Variants in BUB1B observed in about 807,000 individuals in gnomAD.
The protein encoded by BUB1B is BUB1 mitotic checkpoint serine/threonine kinase B.
In BUB1B, 86 loss-of-function variants were observed where a neutral mutation model predicts 137.7. The ratio of observed to expected loss-of-function variants is 0.62; its 90% CI spans 0.52 to 0.75. The LOEUF is 0.75. BUB1B is among the 30% of genes least tolerant of loss of function. The pLI is 0.00. For synonymous variants in BUB1B, 420 were observed against 417.9 expected (o/e 1.00, Z -0.06); for missense variants, 1,130 against 1,236.9 (o/e 0.91, Z 1.30).
rs1424338385 is a variant in BUB1B, at chr15:40,208,825, A to G, written c.2143+55A>G. 13 of 1,544,872 alleles carry G rather than the reference A, an allele frequency of 8.4e-6. No individual in the cohort carries two copies. In the East Asian group the frequency reaches 2.0e-4, roughly 24 times the overall value. On this transcript the variant is annotated intron_variant, in intron 16 of 22. Transcript: ENST00000287598. ...CTAGTGAACACTTGTTTATCTCAGC[A>G]AACTGAGCTGTATGTTTTTCTTTTT...
rs1268467915 is a variant in BUB1B at position 40,212,590 on chromosome 15, A to G, written c.2477A>G (p.Tyr826Cys). ...NEDFDHFCSC[Y>C]QYQDGCIVWH... ...GATTTTGATCATTTTTGCAGCTGTT[A>G]TCAATATCAAGATGGCTGTATTGTT... The change falls in exon 19 of 23, where the codon TAT (tyrosine) becomes TGT (cysteine). Residue 826 changes from tyrosine (Y) to cysteine (C), a missense_variant. Physicochemically the swap from Tyr to Cys is radical, Grantham distance 194. Transcript: ENST00000287598. 5.6e-6 allele frequency: 9 copies of G among 1,613,650 alleles called. No individual in the cohort carries two copies. Among genetic ancestry groups the G allele is most frequent in the African/African-American group, 1.3e-5 (1 of 74,920 alleles).
chr15:40,216,553 A>ATG (rs2037787182), intron 20 of BUB1B, among the ~76,000 whole-genome samples: 1 of 98,516 alleles, frequency 1.0e-5, no homozygotes, highest in African/African-American at 5.1e-5. Context: ...TATACTATAT[A>ATG]TATATATATA....
chr15:40,199,900 T>A, intron 10 of BUB1B, 173 bp downstream of exon 10: 1 of 626,234 alleles, frequency 1.6e-6, no homozygotes, highest in Non-Finnish European at 2.9e-6. Flanking sequence ...TGACTTCAAA[T>A]GGAATTTGTG....
intron 14 of BUB1B, 36 bp downstream of exon 14, chr15:40,202,730 C>G (rs376353720): frequency 6.5e-7 from 1 of 1,533,512 alleles, no homozygotes; most frequent in Non-Finnish European, 9.0e-7. Flanking sequence ...TGTAAATGGG[C>G]TAGTGGATTG....
Position 40,212,479 on chromosome 15 carries a change from T to C in BUB1B, c.2386-20T>C, listed in dbSNP as rs2037725806. 6.2e-7 allele frequency: 1 copy of C among 1,605,532 alleles called. No individual in the cohort carries two copies. Among genetic ancestry groups the C allele is most frequent in the African/African-American group, 1.3e-5 (1 of 74,770 alleles). On this transcript the variant is annotated intron_variant, in intron 18 of 22. Transcript: ENST00000287598. Reference sequence around the variant, plus strand: ...CCATAGACTTAACTGAACTTATTTTTAAAATACAATGTCTTACAGGTATCT... The same window carrying C: ...CCATAGACTTAACTGAACTTATTTTCAAAATACAATGTCTTACAGGTATCT...
intron 4 of BUB1B, among the ~76,000 whole-genome samples, chr15:40,173,231 C>A (rs1460093000): frequency 6.9e-6 from 1 of 145,336 alleles, no homozygotes; most frequent in Non-Finnish European, 1.5e-5. Flanking sequence ...GTTGCATGAA[C>A]TGAGATCATG....
At chr15:40,196,226 C>T (rs1179552603) in intron 8 of BUB1B, among the ~76,000 whole-genome samples, 1 of 152,144 alleles carries the variant, frequency 6.6e-6, no homozygotes, top group Non-Finnish European at 1.5e-5. Flanking sequence ...ATCCCAGCAC[C>T]ATTTGTTGAA....
At chr15:40,192,387 T>C (rs2037448418) in intron 8 of BUB1B, among the ~76,000 whole-genome samples, 1 of 152,226 alleles carries the variant, frequency 6.6e-6, no homozygotes. Context: ...CCAATATTGA[T>C]ACATTATTAT....
Position 40,176,520 on chromosome 15 carries a change from A to G in BUB1B, c.428A>G (p.His143Arg), listed in dbSNP as rs774958064. The G allele has an allele frequency of 6.2e-7, 1 of 1,614,186 alleles. No individual in the cohort carries two copies. Among genetic ancestry groups the G allele is most frequent in the South Asian group, 1.1e-5 (1 of 91,084 alleles). The change falls in exon 5 of 23, where the codon CAC (histidine) becomes CGC (arginine). Residue 143 changes from histidine (H) to arginine (R), a missense_variant. Coordinates refer to ENST00000287598, the MANE Select transcript of BUB1B (RefSeq NM_001211.6). The stretch of plus-strand genomic sequence containing the variant: ...CCTTTGGATATGTACAGTTACTTGC[A>G]CAACCAAGGGATTGGTGTTTCACTT... ...NEPLDMYSYL[H>R]NQGIGVSLAQ...
intron 2 of BUB1B, among the ~76,000 whole-genome samples, chr15:40,165,600 C>T (rs935345847): frequency 6.6e-6 from 1 of 151,958 alleles, no homozygotes; most frequent in Non-Finnish European, 1.5e-5. Flanking sequence ...GAATTTATAC[C>T]AGAAAGTTCT....
chr15:40,197,822 T>C (rs1043089139), intron 9 of BUB1B, among the ~76,000 whole-genome samples: 2 of 152,182 alleles, frequency 1.3e-5, no homozygotes, highest in African/African-American at 4.8e-5. Context: ...CTTGTGTGTC[T>C]AGGTAGAAGA....
Position 40,196,785 on chromosome 15 carries a change from T to G in BUB1B, c.1288+11T>G. ...AAGAGCAAAGGGAAGGTGTGTGTAA[T>G]TCAAGTTTGTGAAGAGGACTTAACT... is the stretch of plus-strand genomic sequence containing the variant. On this transcript the variant is annotated intron_variant, in intron 9 of 22. Coordinates refer to ENST00000287598, the MANE Select transcript of BUB1B (RefSeq NM_001211.6). 6.2e-7 allele frequency: 1 copy of G among 1,612,826 alleles called. No homozygotes were observed. Among genetic ancestry groups the G allele is most frequent in the Non-Finnish European group, 8.5e-7 (1 of 1,178,880 alleles).
chr15:40,185,735 A>G, intron 8 of BUB1B, 93 bp downstream of exon 8: 1 of 1,231,456 alleles, frequency 8.1e-7, no homozygotes, highest in Non-Finnish European at 1.2e-6. Flanking sequence ...CTTCTTTATG[A>G]AGATGAAAGT....
Position 40,212,609 on chromosome 15 carries a change from T to C in BUB1B, c.2496T>C (p.Cys832=), listed in dbSNP as rs2037728354. The change falls in exon 19 of 23, where the codon TGT becomes TGC. Residue 832 remains cysteine, a synonymous_variant. Transcript: ENST00000287598. The stretch of plus-strand genomic sequence containing the variant: ...GCTGTTATCAATATCAAGATGGCTG[T>C]ATTGTTTGGCACCAATATATAAACT... The part of the protein sequence containing the change: ...FCSCYQYQDG[C]IVWHQYINCF... The C allele has an allele frequency of 1.2e-6, 2 of 1,613,760 alleles. No homozygotes were observed. Among genetic ancestry groups the C allele is most frequent in the Admixed American group, 1.7e-5 (1 of 60,018 alleles).
rs568735694 is a variant in BUB1B at position 40,206,582 on chromosome 15, T to C, written c.2009+124T>C. 18 of 1,207,820 alleles carry C rather than the reference T, an allele frequency of 1.5e-5. No homozygotes were observed. The African/African-American group carries it at 2.4e-4, about 16-fold the overall frequency. 74.8% of individuals were successfully genotyped at this position (1,207,820 alleles called of 1,614,324 possible). ...CTGCCAGGTACTGTGCTAAGTGCTT[T>C]ACATGAGAGTAGGGCTGCCCCAGAT... On this transcript the variant is annotated intron_variant, in intron 15 of 22. Transcript: ENST00000287598.
intron 11 of BUB1B, 54 bp downstream of exon 11, chr15:40,200,413 A>C: frequency 7.5e-7 from 1 of 1,339,022 alleles, no homozygotes; most frequent in East Asian, 2.4e-5. Context: ...TTTAGAACCA[A>C]CCTTTGACTC....
intron 6 of BUB1B, among the ~76,000 whole-genome samples, chr15:40,184,820 T>G (rs2037339078): frequency 6.6e-6 from 1 of 152,138 alleles, no homozygotes; most frequent in Admixed American, 6.5e-5. Flanking sequence ...GAGAGAAAAT[T>G]TAAAACTGAA....
chr15:40,161,369 C>G, intron 1 of BUB1B, 114 bp downstream of exon 1: 1 of 1,188,036 alleles, frequency 8.4e-7, no homozygotes, highest in Non-Finnish European at 1.1e-6. Flanking sequence ...CAGAACAGAC[C>G]CCACCGGAGC....
chr15:40,192,054 T>C (rs2037445183), intron 8 of BUB1B, among the ~76,000 whole-genome samples: 1 of 152,188 alleles, frequency 6.6e-6, no homozygotes, highest in African/African-American at 2.4e-5. Context: ...TGATAGTGAT[T>C]CTGTTGAATC....
Sources: gnomAD v4.1 joint callset for allele counts (sites outside exome capture counted in the v4.1 genomes callset) on GRCh38, gnomAD v4.1.1 for gene constraint, MANE v1.5 for transcripts, NCBI Gene and HGNC (gene_info 2026-07-23, HGNC 2026-07-21) for gene names.